POT1: variants seen among roughly 807,000 people sequenced by gnomAD.
POT1 encodes the protein protection of telomeres protein 1.
In POT1, 47 loss-of-function variants were observed where a neutral mutation model predicts 78.5. That is an observed-to-expected ratio of 0.60 (90% CI 0.47 to 0.76). The LOEUF is 0.76. POT1 is among the 30% of genes least tolerant of loss of function. The pLI, the probability that POT1 is intolerant of heterozygous loss-of-function variation, is 0.00. For missense variants in POT1, 646 were observed against 749.9 expected, an observed-to-expected ratio of 0.86 and a Z score of 1.62; for synonymous variants, 259 against 260.7, an observed-to-expected ratio of 0.99 and a Z score of 0.06.
intron 7 of POT1, among the ~76,000 whole-genome samples, chr7:124,866,591 CTTG>C (rs1287593551): frequency 4.6e-5 from 7 of 152,166 alleles, no homozygotes; most frequent in Non-Finnish European, 7.3e-5. Flanking sequence ...TCTCTGGTTT[CTTG>C]TTGTGAAAAT....
intron 6 of POT1, among the ~76,000 whole-genome samples, chr7:124,883,522 T>C (rs1379378231): frequency 6.6e-6 from 1 of 151,996 alleles, no homozygotes; most frequent in Non-Finnish European, 1.5e-5. Context: ...TGAACCGAAA[T>C]ACAAAACTAT....
intron 7 of POT1, among the ~76,000 whole-genome samples, chr7:124,867,700 G>A (rs1282798664): frequency 2.0e-5 from 3 of 151,938 alleles, no homozygotes; most frequent in African/African-American, 4.8e-5. Flanking sequence ...AGGCTGGAGT[G>A]CAGTGGTGCG....
At chr7:124,919,422 T>C (rs957882439) in intron 2 of POT1, among the ~76,000 whole-genome samples, 15 of 152,130 alleles carry the variant, frequency 9.9e-5, no homozygotes, top group African/African-American at 1.2e-4. Flanking sequence ...ATGGACTTAA[T>C]TGTGTTCTCC....
chr7:124,882,747 T>G (rs1253413627), intron 6 of POT1, among the ~76,000 whole-genome samples: 1 of 152,090 alleles, frequency 6.6e-6, no homozygotes, highest in Admixed American at 6.5e-5. Flanking sequence ...ATTCAAACTC[T>G]AAACTAATGA....
chr7:124,848,110 T>C (rs763651181), intron 11 of POT1, among the ~76,000 whole-genome samples: 2 of 151,852 alleles, frequency 1.3e-5, no homozygotes, highest in African/African-American at 2.4e-5. Context: ...ACAAAAAGAG[T>C]ACATATGATT....
At chr7:124,882,751 C>T (rs2116603049) in intron 6 of POT1, among the ~76,000 whole-genome samples, 1 of 151,812 alleles carries the variant, frequency 6.6e-6, no homozygotes, top group African/African-American at 2.4e-5. Context: ...AAACTCTAAA[C>T]TAATGAAGAC....
intron 7 of POT1, among the ~76,000 whole-genome samples, chr7:124,865,144 G>T (rs1191436228): frequency 6.6e-6 from 1 of 151,902 alleles, no homozygotes; most frequent in Non-Finnish European, 1.5e-5. Flanking sequence ...TGTTCTCTGG[G>T]TGTCACTGTC....
At chr7:124,866,295 G>A (rs1562994728) in intron 7 of POT1, among the ~76,000 whole-genome samples, 1 of 102,652 alleles carries the variant, frequency 9.7e-6, no homozygotes, top group African/African-American at 3.9e-5. Flanking sequence ...TTCGTGAGGT[G>A]AGCTACTTTT....
intron 2 of POT1, among the ~76,000 whole-genome samples, chr7:124,927,640 C>T (rs1479649917): frequency 6.6e-6 from 1 of 152,162 alleles, no homozygotes; most frequent in East Asian, 1.9e-4. Flanking sequence ...TGGTTCTCTT[C>T]TCTTCTATGC....
chr7:124,844,610 C>T (rs898007797), intron 12 of POT1, among the ~76,000 whole-genome samples: 1 of 150,650 alleles, frequency 6.6e-6, no homozygotes, highest in Non-Finnish European at 1.5e-5. Flanking sequence ...TGGCGGGCAC[C>T]TGTAGTCCCA....
intron 12 of POT1, among the ~76,000 whole-genome samples, chr7:124,846,480 T>C (rs565994236): frequency 7.9e-5 from 12 of 152,148 alleles, no homozygotes; most frequent in Non-Finnish European, 1.5e-4. Flanking sequence ...GGGTACTTGA[T>C]AGACACACTA....
intron 6 of POT1, among the ~76,000 whole-genome samples, chr7:124,879,838 C>A (rs1053770977): frequency 6.6e-6 from 1 of 152,070 alleles, no homozygotes; most frequent in African/African-American, 2.4e-5. Flanking sequence ...CATACATTAA[C>A]GGTTTCATCT....
chr7:124,869,146 G>C (rs1307153935), intron 7 of POT1, among the ~76,000 whole-genome samples: 2 of 152,066 alleles, frequency 1.3e-5, no homozygotes, highest in Non-Finnish European at 2.9e-5. Context: ...GCCATGCATG[G>C]TCTGTTAGTG....
intron 15 of POT1, among the ~76,000 whole-genome samples, chr7:124,833,702 T>C (rs1357877183): frequency 1.3e-5 from 2 of 152,226 alleles, no homozygotes; most frequent in Non-Finnish European, 2.9e-5. Context: ...AAATCCTCAC[T>C]GTTAAAGAAA....
At chr7:124,851,039 G>C (rs998064939) in intron 11 of POT1, among the ~76,000 whole-genome samples, 6 of 152,112 alleles carry the variant, frequency 3.9e-5, no homozygotes, top group Non-Finnish European at 8.8e-5. Flanking sequence ...GCTAAGGCAG[G>C]AGGATTGCTT....
chr7:124,824,206 C>T (rs1053902872), intron 18 of POT1, 132 bp from the exon 19 acceptor site: 7 of 570,880 alleles, frequency 1.2e-5, no homozygotes, highest in South Asian at 2.3e-5. Flanking sequence ...AGTAAACGTC[C>T]CTTCCAAATT....
At chr7:124,923,638 T>C (rs1797204369) in intron 2 of POT1, among the ~76,000 whole-genome samples, 2 of 151,586 alleles carry the variant, frequency 1.3e-5, no homozygotes, top group South Asian at 4.1e-4. Context: ...ACTTCCTAAG[T>C]CTAGCAAGAG....
chr7:124,889,253 C>T (rs1796313677), intron 6 of POT1, among the ~76,000 whole-genome samples: 1 of 152,022 alleles, frequency 6.6e-6, no homozygotes, highest in African/African-American at 2.4e-5. Context: ...TACAACATTC[C>T]CTTAAGCCAA....
chr7:124,928,334 C>A (rs554164427), intron 2 of POT1, among the ~76,000 whole-genome samples: 2 of 152,258 alleles, frequency 1.3e-5, no homozygotes, highest in African/African-American at 4.8e-5. Flanking sequence ...CTAAAGACTT[C>A]CCATAGCTTT....
Sources: gnomAD v4.1 joint callset for allele counts (sites outside exome capture counted in the v4.1 genomes callset) on GRCh38, gnomAD v4.1.1 for gene constraint, MANE v1.5 for transcripts, NCBI Gene and HGNC (gene_info 2026-07-23, HGNC 2026-07-21) for gene names.